The following BCAT1 variants were observed in gnomAD, a reference collection of about 807,000 sequenced individuals.
BCAT1 encodes branched-chain-amino-acid aminotransferase, cytosolic.
Under a neutral mutation model 52.4 loss-of-function variants are expected in BCAT1, and 48 were observed. The ratio of observed to expected loss-of-function variants is 0.92; its 90% CI spans 0.73 to 1.16. The LOEUF (loss-of-function observed/expected upper bound fraction) is 1.16. Among genes scored for constraint, BCAT1 ranks in the 50% most tolerant of loss-of-function variants. The pLI is 0.00. For synonymous variants in BCAT1, 167 were observed against 161.3 expected (o/e 1.04, Z -0.27); for missense variants, 451 against 457.1 (o/e 0.99, Z 0.12).
At chr12:24,870,734 A>G (rs899486681) in intron 5 of BCAT1, among the ~76,000 whole-genome samples, 1 of 152,186 alleles carries the variant, frequency 6.6e-6, no homozygotes, top group East Asian at 1.9e-4. Flanking sequence ...CCTGCTCACA[A>G]GATTGTTATC....
At chr12:24,851,321 C>T (rs751177727) in intron 5 of BCAT1, among the ~76,000 whole-genome samples, 31 of 152,282 alleles carry the variant, frequency 2.0e-4, no homozygotes, top group Admixed American at 6.5e-4. Flanking sequence ...GATTTTGTGG[C>T]TTTGTAATGT....
rs1939678899 is a variant in BCAT1, at chr12:24,811,503, T to G, written c.*6505A>C. ...CTCTCAACATACAAATATAGAGTTC[T>G]TCACACCAGATGGCTCTGGTGTAAC... On this transcript the variant is annotated 3_prime_UTR_variant, in exon 11 of 11. Transcript: ENST00000261192. The G allele has an allele frequency of 6.6e-6, 1 of 152,194 alleles. No homozygotes were observed. The highest frequency in any genetic ancestry group is 1.5e-5 in the Non-Finnish European group (1 of 68,022). The allele number at this position is 152,194 out of a possible 1,614,324, so 9.4% of individuals were successfully genotyped here. A position where few individuals can be genotyped will look rare whatever the true frequency, so the allele number is the denominator to read the frequency against.
At chr12:24,884,373 A>AG (rs1186152225) in intron 3 of BCAT1, among the ~76,000 whole-genome samples, 1 of 152,216 alleles carries the variant, frequency 6.6e-6, no homozygotes, top group African/African-American at 2.4e-5. Context: ...TGTTGGTCAA[A>AG]GGGAACAAAA....
chr12:24,884,086 T>C (rs972438204), intron 3 of BCAT1, among the ~76,000 whole-genome samples: 6 of 152,174 alleles, frequency 3.9e-5, no homozygotes, highest in African/African-American at 1.4e-4. Flanking sequence ...ATAGCCAGGA[T>C]ACAGAAGCAA....
chr12:24,870,449 G>A (rs2139559236), intron 5 of BCAT1, among the ~76,000 whole-genome samples: 1 of 152,308 alleles, frequency 6.6e-6, no homozygotes, highest in Admixed American at 6.5e-5. Flanking sequence ...CCCCATTGGG[G>A]CTATGTTTCC....
At chr12:24,859,624 A>G (rs1210470244) in intron 5 of BCAT1, among the ~76,000 whole-genome samples, 1 of 151,430 alleles carries the variant, frequency 6.6e-6, no homozygotes, top group Non-Finnish European at 1.5e-5. Context: ...GTCTCAAAAA[A>G]AAAAAAAAAA....
intron 6 of BCAT1, among the ~76,000 whole-genome samples, chr12:24,842,772 T>C (rs1185744948): frequency 6.6e-6 from 1 of 152,144 alleles, no homozygotes; most frequent in Non-Finnish European, 1.5e-5. Flanking sequence ...AGGACAAATG[T>C]TAAAAGTCTC....
rs1464533024 is a variant in BCAT1, at chr12:24,810,491, T to A, written c.*7517A>T. 6.6e-6 allele frequency: 1 copy of A among 152,232 alleles called. No homozygotes were observed. Among genetic ancestry groups the A allele is most frequent in the East Asian group, 1.9e-4 (1 of 5,202 alleles). 9.4% of individuals were successfully genotyped at this position (152,232 alleles called of 1,614,324 possible). A position where few individuals can be genotyped will look rare whatever the true frequency, so the allele number is the denominator to read the frequency against. ...TACCCTGAAGGAAACTGCTGTCTTA[T>A]CTGATAAATTATATAAGCTCCAGTA... On this transcript the variant is annotated 3_prime_UTR_variant, in exon 11 of 11. Coordinates refer to ENST00000261192, the MANE Select transcript of BCAT1 (RefSeq NM_005504.7).
rs1210524076 is a variant in BCAT1, at chr12:24,812,056, T to A, written c.*5952A>T. ...AGGAAACATTTGCAGAATTTAGAAA[T>A]GCATCCAGATTTGTGAGTTTATTTT... is the stretch of plus-strand genomic sequence containing the variant. On this transcript the variant is annotated 3_prime_UTR_variant, in exon 11 of 11. Transcript: ENST00000261192. The A allele has an allele frequency of 1.3e-5, 2 of 152,108 alleles. No homozygotes were observed. Among genetic ancestry groups the A allele is most frequent in the Non-Finnish European group, 2.9e-5 (2 of 67,944 alleles). The allele number at this position is 152,108 out of a possible 1,614,324, so 9.4% of individuals were successfully genotyped here.
At chr12:24,905,108 C>T (rs746836881) in intron 1 of BCAT1, among the ~76,000 whole-genome samples, 1 of 152,166 alleles carries the variant, frequency 6.6e-6, no homozygotes, top group Non-Finnish European at 1.5e-5. Flanking sequence ...CAAAAGAGAG[C>T]CTGGGGCTGC....
chr12:24,916,361 C>A (rs1337850793), intron 1 of BCAT1, among the ~76,000 whole-genome samples: 1 of 152,112 alleles, frequency 6.6e-6, no homozygotes, highest in African/African-American at 2.4e-5. Context: ...GGCAAGGTAC[C>A]AGGTGTGTCT....
At chr12:24,831,990 C>T (rs985474741) in intron 9 of BCAT1, among the ~76,000 whole-genome samples, 1 of 152,126 alleles carries the variant, frequency 6.6e-6, no homozygotes, top group Non-Finnish European at 1.5e-5. Context: ...CCAGGTTTGC[C>T]AATGAATAAT....
chr12:24,834,514 T>TA, intron 8 of BCAT1: 1 of 976,142 alleles, frequency 1.0e-6, no homozygotes, highest in South Asian at 4.7e-5. Context: ...TAAAGGGCAA[T>TA]AAAAATAGAG....
intron 1 of BCAT1, among the ~76,000 whole-genome samples, chr12:24,946,799 G>A (rs976262865): frequency 6.6e-6 from 1 of 152,140 alleles, no homozygotes; most frequent in African/African-American, 2.4e-5. Flanking sequence ...ACTCAATTGT[G>A]ATCGAATGTT....
chr12:24,902,787 G>A (rs772112327), intron 1 of BCAT1: 1 of 1,062,596 alleles, frequency 9.4e-7, no homozygotes. Context: ...TTCGGGCAGG[G>A]ATGCGGGGAA....
At chr12:24,917,303 C>G (rs572587843) in intron 1 of BCAT1, among the ~76,000 whole-genome samples, 86 of 151,132 alleles carry the variant, frequency 5.7e-4, no homozygotes, top group African/African-American at 2.0e-3. Context: ...CTCAGCCTGC[C>G]GGGTAGCTGG....
chr12:24,912,182 A>G (rs1459669382), intron 1 of BCAT1, among the ~76,000 whole-genome samples: 2 of 152,190 alleles, frequency 1.3e-5, no homozygotes, highest in Non-Finnish European at 1.5e-5. Flanking sequence ...TATGCTCACG[A>G]AAATAAACCA....
chr12:24,887,073 A>AAAT (rs1184751182), intron 3 of BCAT1, among the ~76,000 whole-genome samples: 11 of 100,882 alleles, frequency 1.1e-4, no homozygotes, highest in East Asian at 5.1e-4. Flanking sequence ...AAAAAAAAAA[A>AAAT]AAAAAAAATA....
At chr12:24,824,272 C>CTTCCTTCCT in intron 10 of BCAT1, among the ~76,000 whole-genome samples, 1 of 124,680 alleles carries the variant, frequency 8.0e-6, no homozygotes, top group African/African-American at 3.1e-5. Flanking sequence ...CCTTCATTCC[C>CTTCCTTCCT]TCCCTCCCTC....
Sources: allele counts gnomAD v4.1 joint callset (sites outside exome capture counted in the v4.1 genomes callset), GRCh38; gene constraint gnomAD v4.1.1; transcripts MANE v1.5; gene names NCBI Gene and HGNC (gene_info 2026-07-23, HGNC 2026-07-21).